Variants in NEDD4 observed in about 807,000 individuals in gnomAD.
The protein encoded by NEDD4 is E3 ubiquitin-protein ligase NEDD4.
A neutral mutation model predicts 144.9 loss-of-function variants in NEDD4; 99 were observed. The ratio of observed to expected loss-of-function variants is 0.68; its 90% CI spans 0.58 to 0.81. NEDD4 has a LOEUF of 0.81. Ranked by LOEUF, NEDD4 falls within the 30% of genes least tolerant of loss-of-function variation. NEDD4 has a pLI of 0.00. For synonymous variants in NEDD4, 318 were observed against 350.6 expected (o/e 0.91, Z 1.04); for missense variants, 985 against 1,065.9 (o/e 0.92, Z 1.06).
At chr15:55,838,933 G>A (rs1165533363) in intron 21 of NEDD4, among the ~76,000 whole-genome samples, 1 of 152,156 alleles carries the variant, frequency 6.6e-6, no homozygotes, top group Non-Finnish European at 1.5e-5. Flanking sequence ...GAAGTTTTCA[G>A]ATAAAACCTA....
intron 5 of NEDD4, among the ~76,000 whole-genome samples, chr15:55,907,828 G>A (rs2036148610): frequency 6.6e-6 from 1 of 152,152 alleles, no homozygotes; most frequent in Non-Finnish European, 1.5e-5. Flanking sequence ...AAAGATCTTT[G>A]TCCATTCAAT....
At chr15:55,856,280 A>G in intron 11 of NEDD4, 84 bp from the exon 12 acceptor site, 1 of 1,165,958 alleles carries the variant, frequency 8.6e-7, no homozygotes, top group African/African-American at 1.5e-5. Context: ...GAGGGTAAAT[A>G]TGACAGGGCA....
chr15:55,871,882 T>C lies in NEDD4; in HGVS notation c.404+533A>G, dbSNP rs995301510. 9.2e-5 allele frequency among the ~76,000 whole-genome samples: 14 copies of C among 152,330 alleles called. No homozygotes were observed. The East Asian group carries it at 2.1e-3, about 23-fold the overall frequency. On this transcript the variant is annotated intron_variant, in intron 7 of 28. Coordinates refer to ENST00000435532, the MANE Select transcript of NEDD4 (RefSeq NM_006154.4). The stretch of plus-strand genomic sequence containing the variant: ...AGGTATAGAAGATCAAAAGGAGTTT[T>C]AGTTACAGCTTAAATTTAAATTTTT...
At chr15:55,901,957 A>AAT (rs1301400711) in intron 5 of NEDD4, among the ~76,000 whole-genome samples, 1 of 152,130 alleles carries the variant, frequency 6.6e-6, no homozygotes, top group Non-Finnish European at 1.5e-5. Flanking sequence ...GAAAAGCTAT[A>AAT]ATAGGAACTA....
intron 5 of NEDD4, chr15:55,916,994 C>T: frequency 7.5e-7 from 1 of 1,341,522 alleles, no homozygotes; most frequent in Non-Finnish European, 9.5e-7. Context: ...CATTAGATAC[C>T]AGATATCATA....
chr15:55,849,135 C>T (rs1231037901), intron 14 of NEDD4, among the ~76,000 whole-genome samples: 2 of 152,116 alleles, frequency 1.3e-5, no homozygotes, highest in Non-Finnish European at 2.9e-5. Context: ...TTTCTTTTGC[C>T]CCGCTCTTTA....
At chr15:55,989,587 A>G (rs1595892522) in intron 1 of NEDD4, among the ~76,000 whole-genome samples, 1 of 152,330 alleles carries the variant, frequency 6.6e-6, no homozygotes, top group East Asian at 1.9e-4. Flanking sequence ...CACCAGGGGC[A>G]TCTATTATTC....
At chr15:55,947,912 C>T (rs2037152377) in intron 4 of NEDD4, among the ~76,000 whole-genome samples, 2 of 152,172 alleles carry the variant, frequency 1.3e-5, no homozygotes, top group South Asian at 4.1e-4. Context: ...TGCCCTCTCT[C>T]ACCACTCCTA....
rs568509360 is a variant in NEDD4, at chr15:55,959,301, C to T, written c.119+7172G>A. 4.7e-4 allele frequency among the ~76,000 whole-genome samples: 71 copies of T among 152,266 alleles called. 1 individual carries two copies. The highest frequency in any genetic ancestry group is 1.7e-3 in the African/African-American group (69 of 41,552). ...ATACTAATTAAATTCCAAATATCTG[C>T]AGTTTTTCTAGATCTTAATATTATT... On this transcript the variant is annotated intron_variant, in intron 2 of 28. Coordinates refer to ENST00000435532, the MANE Select transcript of NEDD4 (RefSeq NM_006154.4).
chr15:55,829,617 C>A lies in NEDD4; in HGVS notation c.*280G>T, dbSNP rs2032847807. ...TATTTAAGTCATACAGGACTTATAT[C>A]CTATTGTGTGAACTCTAAAGCCAGG... On this transcript the variant is annotated 3_prime_UTR_variant, in exon 29 of 29. Coordinates refer to ENST00000435532, the MANE Select transcript of NEDD4 (RefSeq NM_006154.4). 2 of 301,408 alleles carry A rather than the reference C, an allele frequency of 6.6e-6. No individual in the cohort carries two copies. The highest frequency in any genetic ancestry group is 4.9e-5 in the South Asian group (1 of 20,304). The allele number at this position is 301,408 out of a possible 1,614,324, so 18.7% of individuals were successfully genotyped here. A position where few individuals can be genotyped will look rare whatever the true frequency, so the allele number is the denominator to read the frequency against.
intron 23 of NEDD4, 60 bp from the exon 24 acceptor site, chr15:55,837,909 A>AT: frequency 7.2e-7 from 1 of 1,387,010 alleles, no homozygotes; most frequent in Non-Finnish European, 1.0e-6. Context: ...AGGCACAATT[A>AT]TTCTAGTTAG....
At chr15:55,865,756 T>G (rs2034565103) in intron 8 of NEDD4, among the ~76,000 whole-genome samples, 1 of 151,830 alleles carries the variant, frequency 6.6e-6, no homozygotes, top group South Asian at 2.1e-4. Flanking sequence ...AAACGAGGCC[T>G]CAGGGAAAAG....
At position 55,837,864 on chromosome 15, in the gene NEDD4, C is replaced by T; in HGVS notation, c.2202-15G>A. ...GTATTACAAGACTAAAAAGAAACAA[C>T]ATTTCATTTTCATGTGAACCAAGAC... On this transcript the variant is annotated splice_polypyrimidine_tract_variant and intron_variant, in intron 23 of 28. Coordinates refer to ENST00000435532, the MANE Select transcript of NEDD4 (RefSeq NM_006154.4). 1 of 1,595,016 alleles carries T rather than the reference C, an allele frequency of 6.3e-7. No individual in the cohort carries two copies. The highest frequency in any genetic ancestry group is 8.6e-7 in the Non-Finnish European group (1 of 1,166,604).
intron 26 of NEDD4, 77 bp from the exon 27 acceptor site, chr15:55,833,181 C>A: frequency 2.2e-6 from 2 of 903,668 alleles, no homozygotes; most frequent in Non-Finnish European, 3.5e-6. Context: ...CATAAGCTAT[C>A]GGAATTTAGA....
chr15:55,924,730 A>G (rs750324121), intron 4 of NEDD4, 31 bp from the exon 5 acceptor site: 1 of 1,584,306 alleles, frequency 6.3e-7, no homozygotes, highest in Non-Finnish European at 8.6e-7. Flanking sequence ...ATTTAAAAAC[A>G]AGTAAACATC....
chr15:55,992,530 T>C (rs946588135), intron 1 of NEDD4, among the ~76,000 whole-genome samples: 2 of 152,156 alleles, frequency 1.3e-5, no homozygotes, highest in Non-Finnish European at 2.9e-5. Flanking sequence ...TGATAAAAGG[T>C]ACATGTGGCA....
intron 5 of NEDD4, among the ~76,000 whole-genome samples, chr15:55,884,291 C>T (rs1396473350): frequency 6.6e-6 from 1 of 152,150 alleles, no homozygotes; most frequent in Non-Finnish European, 1.5e-5. Flanking sequence ...AACCAGGTCC[C>T]TTTGAATACC....
chr15:55,905,092 C>CA (rs59917604), intron 5 of NEDD4: 84,107 of 243,294 alleles, frequency 0.35, 6,523 homozygotes, highest in Admixed American at 0.37. Context: ...AATTCCGTCT[C>CA]AAAAAAAAAA....
chr15:55,914,785 G>A (rs1444329881), intron 5 of NEDD4, among the ~76,000 whole-genome samples: 2 of 151,780 alleles, frequency 1.3e-5, no homozygotes, highest in Non-Finnish European at 2.9e-5. Flanking sequence ...TTTATAAAAA[G>A]ATCTTTACAC....
Sources: gnomAD v4.1 joint callset for allele counts (sites outside exome capture counted in the v4.1 genomes callset) on GRCh38, gnomAD v4.1.1 for gene constraint, MANE v1.5 for transcripts, NCBI Gene and HGNC (gene_info 2026-07-23, HGNC 2026-07-21) for gene names.